The following RORB variants were observed in gnomAD, a reference collection of about 807,000 sequenced individuals.
RORB encodes the protein nuclear receptor ROR-beta.
A neutral mutation model predicts 59.1 loss-of-function variants in RORB; 6 were observed. The ratio of observed to expected loss-of-function variants is 0.10; its 90% CI spans 0.06 to 0.20. The LOEUF (loss-of-function observed/expected upper bound fraction) is 0.20, where lower values mean the gene tolerates loss of function less well. Ranked by LOEUF, RORB falls within the 10% of genes least tolerant of loss-of-function variation. RORB has a pLI of 1.00. For missense variants in RORB, 320 were observed against 560.5 expected, an observed-to-expected ratio of 0.57 and a Z score of 4.33; for synonymous variants, 215 against 204.5, an observed-to-expected ratio of 1.05 and a Z score of -0.44.
chr9:74,640,699 C>T (rs1182631866), intron 3 of RORB, among the ~76,000 whole-genome samples: 1 of 152,170 alleles, frequency 6.6e-6, no homozygotes, highest in Admixed American at 6.5e-5. Context: ...TGCCCCAATA[C>T]CCCCAAGTGA....
Position 74,529,956 on chromosome 9 carries a change from A to G in RORB, c.7+31973A>G, listed in dbSNP as rs139069508. ...TAAATTTGCATATTAATTTAGCAACACTCCACAGCTATGTCAAAAAAAAGT... is the reference window on the plus strand; with the variant it reads ...TAAATTTGCATATTAATTTAGCAACGCTCCACAGCTATGTCAAAAAAAAGT... On this transcript the variant is annotated intron_variant, in intron 1 of 9. Coordinates refer to ENST00000376896, the MANE Select transcript of RORB (RefSeq NM_006914.4). Among the ~76,000 whole-genome samples the G allele has an allele frequency of 5.9e-3, 897 of 152,008 alleles. 7 individuals are homozygous for G. Among genetic ancestry groups the G allele is most frequent in the South Asian group, 0.034 (165 of 4,822 alleles).
chr9:74,550,154 C>G (rs1756197669), intron 1 of RORB, among the ~76,000 whole-genome samples: 1 of 152,034 alleles, frequency 6.6e-6, no homozygotes, highest in South Asian at 2.1e-4. Context: ...TGTTGTACCA[C>G]TGTTAAATAA....
chr9:74,630,343 A>C lies in RORB; in HGVS notation c.69A>C (p.Gly23=). 1 of 1,613,340 alleles carries C rather than the reference A, an allele frequency of 6.2e-7. No homozygotes were observed. Among genetic ancestry groups the C allele is most frequent in the East Asian group, 2.2e-5 (1 of 44,876 alleles). ...CGDKSSGIHY[G]VITCEGCKGF... ...ATAAGTCCTCTGGGATCCACTACGGAGTCATCACATGTGAAGGCTGCAAGG... is the reference window on the plus strand; with the variant it reads ...ATAAGTCCTCTGGGATCCACTACGGCGTCATCACATGTGAAGGCTGCAAGG... The change falls in exon 2 of 10, where the codon GGA becomes GGC. Residue 23 remains glycine, a synonymous_variant. Coordinates refer to ENST00000376896, the MANE Select transcript of RORB (RefSeq NM_006914.4).
intron 1 of RORB, among the ~76,000 whole-genome samples, chr9:74,605,054 A>G (rs1462357114): frequency 6.6e-6 from 1 of 152,236 alleles, no homozygotes; most frequent in African/African-American, 2.4e-5. Context: ...AAAGAAAAGA[A>G]GAGAGATCAC....
intron 1 of RORB, among the ~76,000 whole-genome samples, chr9:74,524,469 A>G (rs2118080238): frequency 6.6e-6 from 1 of 152,006 alleles, no homozygotes; most frequent in Non-Finnish European, 1.5e-5. Flanking sequence ...TGAAAAGCTA[A>G]TTACCTTTAT....
At chr9:74,610,315 A>G (rs1419551829) in intron 1 of RORB, among the ~76,000 whole-genome samples, 1 of 152,242 alleles carries the variant, frequency 6.6e-6, no homozygotes, top group Non-Finnish European at 1.5e-5. Context: ...TGATTTTAAC[A>G]TGCAGCCAAG....
At position 74,563,213 on chromosome 9, in the gene RORB, T is replaced by C. The variant is rs181632664; in HGVS notation, c.7+65230T>C. On this transcript the variant is annotated intron_variant, in intron 1 of 9. Coordinates refer to ENST00000376896, the MANE Select transcript of RORB (RefSeq NM_006914.4). ...TTTTTTTTTTTTTTTTTTGATGGAG[T>C]CTCGCTCTGTCGCCCAGGCTGGAGT... Among the ~76,000 whole-genome samples the C allele has an allele frequency of 9.2e-3, 1,318 of 143,784 alleles. 16 individuals are homozygous for C. Among genetic ancestry groups the C allele is most frequent in the Admixed American group, 0.018 (243 of 13,826 alleles). 94.3% of individuals were successfully genotyped at this position (143,784 alleles called of 152,430 possible). A position where few individuals can be genotyped will look rare whatever the true frequency, so the allele number is the denominator to read the frequency against.
At chr9:74,626,033 G>T (rs1400793817) in intron 1 of RORB, among the ~76,000 whole-genome samples, 1 of 152,164 alleles carries the variant, frequency 6.6e-6, no homozygotes, top group African/African-American at 2.4e-5. Context: ...GCTGTTACTA[G>T]CGGAGGTTCT....
At chr9:74,638,917 G>T (rs1823748088) in intron 3 of RORB, among the ~76,000 whole-genome samples, 1 of 152,206 alleles carries the variant, frequency 6.6e-6, no homozygotes, top group South Asian at 2.1e-4. Flanking sequence ...AAATGTAGTA[G>T]TTTTAAGTTG....
intron 1 of RORB, among the ~76,000 whole-genome samples, chr9:74,507,386 C>T (rs1825883729): frequency 6.6e-6 from 1 of 152,034 alleles, no homozygotes; most frequent in South Asian, 2.1e-4. Context: ...GCTCTGAGAA[C>T]ATGAAATGCA....
At chr9:74,648,011 C>T (rs1043004899) in intron 4 of RORB, among the ~76,000 whole-genome samples, 3 of 152,294 alleles carry the variant, frequency 2.0e-5, no homozygotes, top group Admixed American at 2.0e-4. Flanking sequence ...TAGAACTTAA[C>T]TCTTGCTATA....
chr9:74,620,174 G>A (rs2118383032), intron 1 of RORB, among the ~76,000 whole-genome samples: 1 of 152,230 alleles, frequency 6.6e-6, no homozygotes, highest in South Asian at 2.1e-4. Flanking sequence ...TCTGGTCCTG[G>A]ACTTTTTTTG....
At chr9:74,655,561 G>T (rs995884502) in intron 4 of RORB, among the ~76,000 whole-genome samples, 21 of 152,288 alleles carry the variant, frequency 1.4e-4, no homozygotes, top group Non-Finnish European at 2.5e-4. Flanking sequence ...TTCTCATGTG[G>T]TTGGTCCCTA....
chr9:74,661,247 T>C (rs1824174894), intron 5 of RORB, among the ~76,000 whole-genome samples: 4 of 152,212 alleles, frequency 2.6e-5, no homozygotes, highest in African/African-American at 7.2e-5. Context: ...TGTCATTTCT[T>C]TGGGTTTGTT....
intron 1 of RORB, among the ~76,000 whole-genome samples, chr9:74,620,519 A>C: frequency 6.6e-6 from 1 of 151,764 alleles, no homozygotes; most frequent in Admixed American, 6.6e-5. Context: ...GATTTTTTTG[A>C]AGGGTTTTTT....
At chr9:74,524,106 C>T (rs1340834571) in intron 1 of RORB, among the ~76,000 whole-genome samples, 2 of 146,650 alleles carry the variant, frequency 1.4e-5, no homozygotes, top group East Asian at 4.0e-4. Flanking sequence ...CTACAGAAAG[C>T]TGGAGACATG....
rs772141683 is a variant in RORB, at chr9:74,642,436, C to T, written c.258C>T (p.Ser86=). 1 of 1,610,872 alleles carries T rather than the reference C, an allele frequency of 6.2e-7. No individual in the cohort carries two copies. Among genetic ancestry groups the T allele is most frequent in the Non-Finnish European group, 8.5e-7 (1 of 1,178,270 alleles). ...CAGCTGTGAAGTTTGGGAGGATGTC[C>T]AAGAAGCAAAGGGACAGCCTGTATG... The part of the protein sequence containing the change: ...SRDAVKFGRM[S]KKQRDSLYAE... Residue 86 remains serine (S), a synonymous_variant, in exon 4 of 10, where the codon TCC becomes TCT. Coordinates refer to ENST00000376896, the MANE Select transcript of RORB (RefSeq NM_006914.4).
At chr9:74,537,265 T>G (rs1040195429) in intron 1 of RORB, among the ~76,000 whole-genome samples, 17 of 152,136 alleles carry the variant, frequency 1.1e-4, no homozygotes, top group African/African-American at 4.1e-4. Flanking sequence ...ATAAAGACTG[T>G]GTATCCTCTT....
chr9:74,672,492 G>A (rs1018505436), intron 9 of RORB, among the ~76,000 whole-genome samples: 4 of 152,086 alleles, frequency 2.6e-5, no homozygotes, highest in East Asian at 1.9e-4. Context: ...TGATCTCTTC[G>A]TGCAAGACTT....
Sources: allele counts gnomAD v4.1 joint callset (sites outside exome capture counted in the v4.1 genomes callset), GRCh38; gene constraint gnomAD v4.1.1; transcripts MANE v1.5; gene names NCBI Gene and HGNC (gene_info 2026-07-23, HGNC 2026-07-21).